Variants in PLCH2 observed in about 807,000 individuals in gnomAD.
PLCH2 encodes 1-phosphatidylinositol 4,5-bisphosphate phosphodiesterase eta-2.
PLCH2 carries 98 observed loss-of-function variants against 134.7 expected under a neutral mutation model. The observed-to-expected ratio is 0.73, with a 90% CI of 0.62 to 0.86. The LOEUF (loss-of-function observed/expected upper bound fraction) is 0.86, where lower values mean the gene tolerates loss of function less well. Ranked by LOEUF, PLCH2 falls within the 40% of genes least tolerant of loss-of-function variation. PLCH2 has a pLI of 0.00. For synonymous variants in PLCH2, 974 were observed against 827.5 expected, an observed-to-expected ratio of 1.18 and a Z score of -3.04; for missense variants, 1,994 against 1,986.6, an observed-to-expected ratio of 1.00 and a Z score of -0.07.
chr1:2,489,341 C>T lies in PLCH2; in HGVS notation c.1370C>T (p.Pro457Leu). The change falls in exon 9 of 22, where the codon CCC becomes CTC. Residue 457 changes from proline (P) to leucine (L), a missense_variant. By Grantham distance (98) the Pro-to-Leu change is moderately conservative. Around this residue, in one of 2 missense-constraint regions of PLCH2, gnomAD observed 1,094 missense variants for 1,234.3 expected, o/e 0.89. Transcript: ENST00000378486. ...SVSSEDATTL[P>L]SPQMLKGKIL... ...AGCAGTGAAGATGCCACCACACTCC[C>T]CTCTCCACAGATGCTCAAGGGCAAG... 6.2e-7 allele frequency: 1 copy of T among 1,613,858 alleles called. No individual in the cohort carries two copies. The highest frequency in any genetic ancestry group is 8.5e-7 in the Non-Finnish European group (1 of 1,179,890).
In PLCH2 at chr1:2,478,550, C is replaced by T. The variant is rs768113304; in HGVS notation, c.199C>T (p.Arg67Cys). The T allele has an allele frequency of 9.9e-6, 16 of 1,612,758 alleles. No homozygotes were observed. The highest frequency in any genetic ancestry group is 3.3e-5 in the South Asian group (3 of 91,072). The change falls in exon 2 of 22, where the codon CGC becomes TGC. Residue 67 changes from arginine (R) to cysteine (C), a missense_variant. Around this residue, in one of 2 missense-constraint regions of PLCH2, gnomAD observed 1,094 missense variants for 1,234.3 expected, o/e 0.89. Transcript: ENST00000378486. ...GCGTGGCGGCTCCAAGGGCCTGGTCCGCTTCTACTACCTGGACGAGCACCG... is the reference window on the plus strand; with the variant it reads ...GCGTGGCGGCTCCAAGGGCCTGGTCTGCTTCTACTACCTGGACGAGCACCG... ...KLRGGSKGLVRFYYLDEHRSC... is the reference protein window; with the variant it reads ...KLRGGSKGLVCFYYLDEHRSC...
upstream of PLCH2, among the ~76,000 whole-genome samples, chr1:2,475,355 G>A (rs1417086015): frequency 1.3e-5 from 2 of 152,224 alleles, no homozygotes; most frequent in African/African-American, 4.8e-5. Flanking sequence ...GGGAAGAAGG[G>A]CGGGGTTCTC....
intron 2 of PLCH2, among the ~76,000 whole-genome samples, chr1:2,436,195 T>C (rs1639344384): frequency 1.1e-5 from 1 of 92,824 alleles, no homozygotes; most frequent in Non-Finnish European, 2.1e-5. Context: ...TTCCTTCCTC[T>C]GTTTCCTCCT....
intron 2 of PLCH2, among the ~76,000 whole-genome samples, chr1:2,453,630 A>G (rs1254182329): frequency 6.6e-6 from 1 of 151,754 alleles, no homozygotes; most frequent in Non-Finnish European, 1.5e-5. Context: ...AGGACCCTCC[A>G]CCACCCCTTC....
At chr1:2,489,709 C>A in intron 9 of PLCH2, 51 bp from the exon 10 acceptor site, 1 of 1,432,096 alleles carries the variant, frequency 7.0e-7, no homozygotes, top group Non-Finnish European at 9.9e-7. Flanking sequence ...CAGGTACTGG[C>A]TTCCCAGCAT....
In PLCH2 at chr1:2,494,862, G is replaced by A. The variant is rs1191652793; in HGVS notation, c.1666G>A (p.Ala556Thr). 1 of 1,604,508 alleles carries A rather than the reference G, an allele frequency of 6.2e-7. No homozygotes were observed. ...GTCTCTCCCCTGGACTCAGAGCAAG[G>A]CTGAAGAGGACGTGGAGTCTGGGGA... ...PSGKLGRKSK[A>T]EEDVESGEDA... The change falls in exon 12 of 22, where the codon GCT becomes ACT. Residue 556 changes from alanine (A) to threonine (T), a missense_variant. Physicochemically the swap from Ala to Thr is moderately conservative, Grantham distance 58. Coordinates refer to ENST00000378486, the MANE Select transcript of PLCH2 (RefSeq NM_014638.4).
At chr1:2,425,237 C>T (rs1638730092), upstream of PLCH2, among the ~76,000 whole-genome samples, 1 of 143,134 alleles carries the variant, frequency 7.0e-6, no homozygotes, top group Admixed American at 6.7e-5. Flanking sequence ...TATTTACACA[C>T]ACATATGTAA....
chr1:2,451,005 G>T (rs1010136997), intron 2 of PLCH2, among the ~76,000 whole-genome samples: 1 of 151,976 alleles, frequency 6.6e-6, no homozygotes, highest in Non-Finnish European at 1.5e-5. Context: ...CTGTGCTAGG[G>T]ATGTCGGCTC....
intron 1 of PLCH2, among the ~76,000 whole-genome samples, chr1:2,470,545 C>A (rs1311306651): frequency 6.6e-6 from 1 of 152,200 alleles, no homozygotes; most frequent in Admixed American, 6.5e-5. Context: ...GGTGCTCTGG[C>A]CGGGAAGAGC....
At chr1:2,423,645 G>C (rs574592068), upstream of PLCH2, among the ~76,000 whole-genome samples, 103 of 152,230 alleles carry the variant, frequency 6.8e-4, no homozygotes, top group African/African-American at 2.3e-3. Context: ...TCAGGAGGTG[G>C]AAAATGCATT....
At position 2,491,320 on chromosome 1, in the gene PLCH2, A is replaced by C. The variant is rs1447715535; in HGVS notation, c.1644A>C (p.Gly548=). The change falls in exon 11 of 22, where the codon GGA becomes GGC. Residue 548 remains glycine, a synonymous_variant. Transcript: ENST00000378486. ...NFSVSTLSPS[G]KLGRKSKAEE... is the part of the protein sequence containing the mutation. ...CCGTCTCCACACTGTCCCCATCTGG[A>C]AAGCTCGGACGCAAGGTAGAGGCCA... 1 of 1,612,872 alleles carries C rather than the reference A, an allele frequency of 6.2e-7. No homozygotes were observed. Among genetic ancestry groups the C allele is most frequent in the Non-Finnish European group, 8.5e-7 (1 of 1,179,786 alleles).
the PLCH2 span, among the ~76,000 whole-genome samples, chr1:2,417,669 G>A: frequency 2.0e-5 from 3 of 152,196 alleles, no homozygotes; most frequent in African/African-American, 4.8e-5. Flanking sequence ...CAGCCGGTGA[G>A]GGGCTGTGTG....
At chr1:2,419,862 C>T in the PLCH2 span, among the ~76,000 whole-genome samples, 3 of 152,108 alleles carry the variant, frequency 2.0e-5, no homozygotes, top group Non-Finnish European at 4.4e-5. Context: ...CAAGCCAGCC[C>T]TGGGCTGGGG....
chr1:2,491,324 C>T lies in PLCH2; in HGVS notation c.1648C>T (p.Leu550Phe). The T allele has an allele frequency of 6.2e-7, 1 of 1,612,850 alleles. No individual in the cohort carries two copies. Among genetic ancestry groups the T allele is most frequent in the Non-Finnish European group, 8.5e-7 (1 of 1,179,698 alleles). ...SVSTLSPSGKLGRKSKAEEDV... is the reference protein window; with the variant it reads ...SVSTLSPSGKFGRKSKAEEDV... ...CTCCACACTGTCCCCATCTGGAAAG[C>T]TCGGACGCAAGGTAGAGGCCAAAAA... is the stretch of plus-strand genomic sequence containing the variant. Residue 550 changes from leucine to phenylalanine, a missense_variant, in exon 11 of 22, where the codon CTC (leucine) becomes TTC (phenylalanine). By Grantham distance (22) the Leu-to-Phe change is conservative (BLOSUM62 0). Coordinates refer to ENST00000378486, the MANE Select transcript of PLCH2 (RefSeq NM_014638.4).
chr1:2,460,613 G>A (rs943454267), intron 2 of PLCH2, among the ~76,000 whole-genome samples: 2 of 152,218 alleles, frequency 1.3e-5, no homozygotes, highest in Admixed American at 6.5e-5. Flanking sequence ...TTTTAACGAT[G>A]CAAGCAGCTG....
chr1:2,465,110 C>T (rs1018448674), upstream of PLCH2, among the ~76,000 whole-genome samples: 2 of 152,180 alleles, frequency 1.3e-5, no homozygotes, highest in Non-Finnish European at 2.9e-5. Context: ...GCTCTGCCCA[C>T]CTACAGGCCT....
intron 2 of PLCH2, among the ~76,000 whole-genome samples, chr1:2,459,465 T>C (rs113806157): frequency 0.097 from 2,096 of 21,678 alleles, 489 homozygotes; most frequent in East Asian, 0.37. Flanking sequence ...TCCTGGTGGT[T>C]CTCCTTCCTG....
the PLCH2 span, among the ~76,000 whole-genome samples, chr1:2,420,524 C>T: frequency 5.3e-5 from 8 of 152,242 alleles, no homozygotes; most frequent in East Asian, 1.9e-4. Flanking sequence ...TGGGGAGTCC[C>T]GGAGCTGGAC....
intron 13 of PLCH2, among the ~76,000 whole-genome samples, chr1:2,495,935 C>G (rs1039262469): frequency 1.3e-5 from 2 of 152,182 alleles, no homozygotes; most frequent in African/African-American, 4.8e-5. Flanking sequence ...CCCGTCCAGT[C>G]AGGCTGAATT....
Sources: allele counts gnomAD v4.1 joint callset (sites outside exome capture counted in the v4.1 genomes callset), GRCh38; gene constraint gnomAD v4.1.1; regional missense constraint gnomAD v4.1.1; transcripts MANE v1.5; gene names NCBI Gene and HGNC (gene_info 2026-07-23, HGNC 2026-07-21).